The following DCAF1 variants were observed in gnomAD, a reference collection of about 807,000 sequenced individuals.
DCAF1 encodes DDB1 and CUL4 associated factor 1, also known as DDB1- and CUL4-associated factor 1.
A neutral mutation model predicts 128.0 loss-of-function variants in DCAF1; 15 were observed. That is an observed-to-expected ratio of 0.12 (90% CI 0.08 to 0.18). The LOEUF is 0.18. Ranked by LOEUF, DCAF1 falls within the 10% of genes least tolerant of loss-of-function variation. The pLI is 1.00. For missense variants in DCAF1, 988 were observed against 1,649.5 expected, an observed-to-expected ratio of 0.60 and a Z score of 6.95; for synonymous variants, 610 against 603.0, an observed-to-expected ratio of 1.01 and a Z score of -0.17.
chr3:51,472,642 T>C (rs1704890283), intron 3 of DCAF1, among the ~76,000 whole-genome samples: 1 of 152,032 alleles, frequency 6.6e-6, no homozygotes, highest in Non-Finnish European at 1.5e-5. Context: ...TGTTGCTGAA[T>C]GTATGAAAAG....
At chr3:51,433,497 T>C (rs1700556445) in intron 9 of DCAF1, among the ~76,000 whole-genome samples, 1 of 151,872 alleles carries the variant, frequency 6.6e-6, no homozygotes, top group Non-Finnish European at 1.5e-5. Context: ...GTTTTGCTCT[T>C]GTTGCCCAGG....
In DCAF1 at chr3:51,420,355, T is replaced by C. The variant is rs1553632069; in HGVS notation, c.2615A>G (p.Lys872Arg). The change falls in exon 15 of 25, where the codon AAA becomes AGA. Residue 872 changes from lysine (K) to arginine (R), a missense_variant. Lys to Arg is a conservative substitution (Grantham distance 26). Transcript: ENST00000684031. The surrounding 1 kb of genome is among the most constrained non-coding windows in gnomAD (Gnocchi z 6.5). Reference protein sequence around the residue: ...GLGETATVLTKEADLPMTAAS... With the variant: ...GLGETATVLTREADLPMTAAS... ...AGCAGTCATGGGCAGGTCAGCCTCT[T>C]TTGTCAGCACGGTTGCTGTTTCTCC... is the stretch of plus-strand genomic sequence containing the variant. 2 of 1,613,872 alleles carry C rather than the reference T, an allele frequency of 1.2e-6. No homozygotes were observed. The highest frequency in any genetic ancestry group is 1.7e-6 in the Non-Finnish European group (2 of 1,179,890).
Position 51,420,504 on chromosome 3 carries a change from G to C in DCAF1, c.2466C>G (p.Leu822=). ...LIERVSGKPL[L]IGTDVSLARL... ...GTGCTAGGGAAACATCAGTGCCAAT[G>C]AGAAGTGGTTTTCCTGACACCCGTT... The change falls in exon 15 of 25, where the codon CTC becomes CTG. Residue 822 remains leucine (L), a synonymous_variant. Transcript: ENST00000684031. This position sits in a 1 kb window ranked among gnomAD's most constrained non-coding sequence, Gnocchi z 6.5. The C allele has an allele frequency of 1.2e-6, 2 of 1,613,942 alleles. No individual in the cohort carries two copies. Among genetic ancestry groups the C allele is most frequent in the Non-Finnish European group, 8.5e-7 (1 of 1,179,878 alleles).
At position 51,479,587 on chromosome 3, in the gene DCAF1, G is replaced by A. The variant is rs748862378; in HGVS notation, c.110+4132C>T. On this transcript the variant is annotated intron_variant, in intron 3 of 24. Coordinates refer to ENST00000684031, the MANE Select transcript of DCAF1 (RefSeq NM_001387579.1). ...GCAGATCATGAGGGCAGGAGATCGA[G>A]ACCATCCTAGCTAACACGGTGAAAC... 3.9e-5 allele frequency among the ~76,000 whole-genome samples: 6 copies of A among 152,064 alleles called. No individual in the cohort carries two copies. The East Asian group carries it at 1.2e-3, about 29-fold the overall frequency.
downstream of DCAF1, chr3:51,396,252 T>TG: frequency 4.0e-6 from 1 of 251,324 alleles, no homozygotes; most frequent in Admixed American, 5.7e-5. Flanking sequence ...AGAAGACACT[T>TG]CAACCTTTGC....
chr3:51,421,813 C>T (rs990985585), intron 14 of DCAF1, among the ~76,000 whole-genome samples: 5 of 152,166 alleles, frequency 3.3e-5, no homozygotes, highest in African/African-American at 7.2e-5. Context: ...ATATGTATGA[C>T]GGTTTCTACC....
At chr3:51,445,168 A>G (rs1248908145) in intron 6 of DCAF1, among the ~76,000 whole-genome samples, 1 of 152,202 alleles carries the variant, frequency 6.6e-6, no homozygotes, top group Non-Finnish European at 1.5e-5. Flanking sequence ...TCCAGATCAC[A>G]GATTTAAAAA....
At chr3:51,491,361 A>G (rs1194774065) in intron 2 of DCAF1, among the ~76,000 whole-genome samples, 3 of 152,006 alleles carry the variant, frequency 2.0e-5, no homozygotes, top group African/African-American at 2.4e-5. Flanking sequence ...AAAAAAAAAA[A>G]AAGTTGGAAA....
chr3:51,432,143 C>T (rs1700444903), intron 10 of DCAF1, among the ~76,000 whole-genome samples: 1 of 151,288 alleles, frequency 6.6e-6, no homozygotes, highest in Non-Finnish European at 1.5e-5. Context: ...CAGTGGTGGG[C>T]GCCTGTAATC....
chr3:51,458,306 A>G (rs1553643487), intron 6 of DCAF1, among the ~76,000 whole-genome samples: 2 of 152,202 alleles, frequency 1.3e-5, no homozygotes, highest in African/African-American at 4.8e-5. Flanking sequence ...AAAGATCAAA[A>G]GAGACAAAAA....
intron 4 of DCAF1, among the ~76,000 whole-genome samples, chr3:51,467,677 A>T (rs570739848): frequency 6.6e-6 from 1 of 152,094 alleles, no homozygotes. Context: ...AAAGAAACAT[A>T]ATTTAAAAAT....
At chr3:51,464,103 C>T (rs1246719545) in intron 5 of DCAF1, among the ~76,000 whole-genome samples, 1 of 152,090 alleles carries the variant, frequency 6.6e-6, no homozygotes. Context: ...GATCCTCCCA[C>T]CTCAGCCTCC....
intron 13 of DCAF1, among the ~76,000 whole-genome samples, chr3:51,423,103 GA>G: frequency 6.6e-6 from 1 of 151,882 alleles, no homozygotes; most frequent in East Asian, 1.9e-4. Context: ...AAAAAAAGAA[GA>G]AAAAGAAAGT....
intron 6 of DCAF1, among the ~76,000 whole-genome samples, chr3:51,453,866 T>C (rs948997600): frequency 3.3e-5 from 5 of 151,920 alleles, no homozygotes; most frequent in African/African-American, 9.7e-5. Context: ...AGCAGGAGAA[T>C]TGCTTGAACC....
At chr3:51,452,082 C>A (rs1373450311) in intron 6 of DCAF1, among the ~76,000 whole-genome samples, 2 of 151,948 alleles carry the variant, frequency 1.3e-5, no homozygotes, top group Non-Finnish European at 2.9e-5. Flanking sequence ...CAGGGTCTCG[C>A]TCTGTCTCCC....
chr3:51,435,248 T>C (rs1294440107), intron 9 of DCAF1, among the ~76,000 whole-genome samples: 9 of 152,172 alleles, frequency 5.9e-5, no homozygotes, highest in African/African-American at 1.7e-4. Context: ...CAATCCCTTC[T>C]TCCACTGCAC....
Position 51,422,369 on chromosome 3 carries a change from T to C in DCAF1, c.1910A>G (p.Gln637Arg). 1.3e-6 allele frequency: 1 copy of C among 753,646 alleles called. No homozygotes were observed. The highest frequency in any genetic ancestry group is 2.5e-6 in the Non-Finnish European group (1 of 404,344). 46.7% of individuals were successfully genotyped at this position (753,646 alleles called of 1,614,324 possible). The change falls in exon 14 of 25, where the codon CAG (glutamine) becomes CGG (arginine). Residue 637 changes from glutamine to arginine, a missense_variant. Physicochemically the swap from Gln to Arg is conservative, Grantham distance 43 (BLOSUM62 1). Coordinates refer to ENST00000684031, the MANE Select transcript of DCAF1 (RefSeq NM_001387579.1). Reference protein sequence around the residue: ...LAILTVVPKIQLQLAESVDVL... With the variant: ...LAILTVVPKIRLQLAESVDVL... Reference sequence around the variant, plus strand: ...GTCCACTGATTCTGCCAACTGGAGCTGGATTTTTGGCACCACAGTAAGAAT... The same window carrying C: ...GTCCACTGATTCTGCCAACTGGAGCCGGATTTTTGGCACCACAGTAAGAAT...
intron 2 of DCAF1, among the ~76,000 whole-genome samples, chr3:51,494,461 T>G (rs1380345104): frequency 1.3e-5 from 2 of 152,114 alleles, no homozygotes; most frequent in Admixed American, 6.6e-5. Flanking sequence ...TAGAAAGAGA[T>G]AATGGTTGCA....
In DCAF1 at chr3:51,428,646, AT is replaced by A. The variant is rs149065709; in HGVS notation, c.1677+614del. 5.5e-3 allele frequency among the ~76,000 whole-genome samples: 837 copies of A among 152,242 alleles called. 4 individuals carry two copies. Among genetic ancestry groups the A allele is most frequent in the Middle Eastern group, 0.014 (4 of 294 alleles). ...GATAGTGAAGTGGAGTTATAAACAC[AT>A]TTTCAGAAAAGAAATTCTGCACAGA... On this transcript the variant is annotated intron_variant, in intron 12 of 24. Transcript: ENST00000684031.
Sources: gnomAD v4.1 joint callset for allele counts (sites outside exome capture counted in the v4.1 genomes callset) on GRCh38, gnomAD v4.1.1 for gene constraint, Gnocchi (gnomAD v3.1) non-coding constraint, MANE v1.5 for transcripts, NCBI Gene and HGNC (gene_info 2026-07-23, HGNC 2026-07-21) for gene names.